Variants in OSBPL6 observed in about 807,000 individuals in gnomAD.
OSBPL6 encodes oxysterol binding protein like 6.
In OSBPL6, 49 loss-of-function variants were observed where a neutral mutation model predicts 125.8. That is an observed-to-expected ratio of 0.39 (90% CI 0.31 to 0.49). OSBPL6 has a LOEUF of 0.49. OSBPL6 is among the 20% of genes least tolerant of loss of function. OSBPL6 has a pLI of 0.88. For synonymous variants in OSBPL6, 394 were observed against 391.8 expected (o/e 1.01, Z -0.07); for missense variants, 986 against 1,135.4 (o/e 0.87, Z 1.89).
At chr2:178,349,989 C>CT (rs1384298256) in intron 12 of OSBPL6, among the ~76,000 whole-genome samples, 1 of 152,208 alleles carries the variant, frequency 6.6e-6, no homozygotes, top group Non-Finnish European at 1.5e-5. Flanking sequence ...CTTAGGGTTC[C>CT]AAGAGCCTGG....
intron 1 of OSBPL6, among the ~76,000 whole-genome samples, chr2:178,218,693 G>A (rs971321155): frequency 1.4e-5 from 2 of 146,250 alleles, no homozygotes; most frequent in South Asian, 2.2e-4. Flanking sequence ...GCAATGGCAC[G>A]ATCTCTGCCC....
In OSBPL6 at chr2:178,306,132, G is replaced by A. The variant is rs1686737363; in HGVS notation, c.-53G>A. The A allele has an allele frequency of 1.8e-6, 2 of 1,084,308 alleles. No individual in the cohort carries two copies. Among genetic ancestry groups the A allele is most frequent in the Admixed American group, 1.8e-5 (1 of 55,316 alleles). 67.2% of individuals were successfully genotyped at this position (1,084,308 alleles called of 1,614,324 possible). A position where few individuals can be genotyped will look rare whatever the true frequency, so the allele number is the denominator to read the frequency against. On this transcript the variant is annotated 5_prime_UTR_variant, in exon 3 of 25. It removes the in-frame stop codon of an upstream open reading frame in the 5' UTR. Coordinates refer to ENST00000190611, the MANE Select transcript of OSBPL6 (RefSeq NM_032523.4). ...CATCTACTTCTTTGTTTGTGGATTT[G>A]AGAGAAGATTGGGATGGTCTTAAGT...
intron 2 of OSBPL6, among the ~76,000 whole-genome samples, chr2:178,291,926 C>T (rs1216271672): frequency 1.3e-5 from 2 of 151,966 alleles, no homozygotes; most frequent in East Asian, 3.8e-4. Context: ...GACCATTCCC[C>T]CTTTTGTCTT....
intron 1 of OSBPL6, among the ~76,000 whole-genome samples, chr2:178,221,619 G>A (rs902810251): frequency 2.6e-5 from 4 of 152,200 alleles, no homozygotes; most frequent in Admixed American, 2.6e-4. Context: ...TGATTTAGCT[G>A]ATCATCAGTA....
At chr2:178,363,206 C>G (rs966507355) in intron 13 of OSBPL6, among the ~76,000 whole-genome samples, 2 of 152,058 alleles carry the variant, frequency 1.3e-5, no homozygotes, top group Non-Finnish European at 2.9e-5. Context: ...TTCTTGCTTG[C>G]CTGCTTGCTT....
At chr2:178,311,031 A>G (rs1687225926) in intron 3 of OSBPL6, among the ~76,000 whole-genome samples, 1 of 152,048 alleles carries the variant, frequency 6.6e-6, no homozygotes, top group South Asian at 2.1e-4. Context: ...TTCACAACCT[A>G]AGTCAGAGTG....
chr2:178,291,792 G>GCCAT (rs371679590), intron 2 of OSBPL6, among the ~76,000 whole-genome samples: 8,776 of 116,638 alleles, frequency 0.075, 397 homozygotes, highest in African/African-American at 0.14. Flanking sequence ...CTTCCTGCCT[G>GCCAT]CCATCCATCC....
At chr2:178,375,721 C>T (rs950356465) in intron 15 of OSBPL6, among the ~76,000 whole-genome samples, 2 of 151,292 alleles carry the variant, frequency 1.3e-5, no homozygotes, top group African/African-American at 4.9e-5. Flanking sequence ...CTGCGCCCGA[C>T]CCCTTCATCC....
intron 13 of OSBPL6, among the ~76,000 whole-genome samples, chr2:178,371,700 A>T (rs1280303017): frequency 2.6e-5 from 4 of 152,208 alleles, no homozygotes; most frequent in Non-Finnish European, 5.9e-5. Context: ...TTTTAAGATA[A>T]CTACCCAGCT....
rs1693638678 is a variant in OSBPL6 at position 178,373,936 on chromosome 2, C to T, written c.1442C>T (p.Ala481Val). Residue 481 changes from alanine to valine, a missense_variant, in exon 15 of 25, where the codon GCC (alanine) becomes GTC (valine). By Grantham distance (64) the Ala-to-Val change is moderately conservative. Around this residue, in one of 3 missense-constraint regions of OSBPL6, gnomAD observed 843 missense variants for 997.3 expected, o/e 0.85. Coordinates refer to ENST00000190611, the MANE Select transcript of OSBPL6 (RefSeq NM_032523.4). ...AGTCTCCCCTTATCACAGCAAGTAG[C>T]CAATGAGAGCCGCCTCTCCATGTCA... Reference protein sequence around the residue: ...HVSLPLSQQVANESRLSMSES... With the variant: ...HVSLPLSQQVVNESRLSMSES... 1 of 1,613,964 alleles carries T rather than the reference C, an allele frequency of 6.2e-7. No homozygotes were observed. The highest frequency in any genetic ancestry group is 1.3e-5 in the African/African-American group (1 of 74,916).
At chr2:178,367,124 G>T (rs542451910) in intron 13 of OSBPL6, among the ~76,000 whole-genome samples, 1 of 152,084 alleles carries the variant, frequency 6.6e-6, no homozygotes, top group South Asian at 2.1e-4. Flanking sequence ...TATGTGCAAA[G>T]AATAAGGGGC....
intron 13 of OSBPL6, among the ~76,000 whole-genome samples, chr2:178,364,148 G>A (rs1330333512): frequency 6.6e-6 from 1 of 152,188 alleles, no homozygotes; most frequent in African/African-American, 2.4e-5. Flanking sequence ...AGAATGGCAG[G>A]TAGTTCATAG....
intron 3 of OSBPL6, among the ~76,000 whole-genome samples, chr2:178,313,974 T>C (rs578235458): frequency 6.6e-6 from 1 of 152,348 alleles, no homozygotes; most frequent in African/African-American, 2.4e-5. Flanking sequence ...CTCATCAACA[T>C]CTATCCTTTA....
chr2:178,255,031 C>T (rs112247125), intron 1 of OSBPL6, among the ~76,000 whole-genome samples: 1 of 152,172 alleles, frequency 6.6e-6, no homozygotes, highest in South Asian at 2.1e-4. Flanking sequence ...AGTCCAGGAG[C>T]GGTGGCTCAG....
intron 1 of OSBPL6, among the ~76,000 whole-genome samples, chr2:178,242,222 C>A (rs2153991114): frequency 6.6e-6 from 1 of 152,354 alleles, no homozygotes; most frequent in Non-Finnish European, 1.5e-5. Flanking sequence ...CTTAAACACT[C>A]ACAGCTGAAC....
At chr2:178,231,909 A>C (rs1272647716) in intron 1 of OSBPL6, among the ~76,000 whole-genome samples, 3 of 152,048 alleles carry the variant, frequency 2.0e-5, no homozygotes, top group African/African-American at 7.2e-5. Context: ...CATCCTTTTT[A>C]ATCTCTGCAA....
In OSBPL6 at chr2:178,340,954, A is replaced by G. The variant is rs115508294; in HGVS notation, c.987+1190A>G. Among the ~76,000 whole-genome samples the G allele has an allele frequency of 3.6e-3, 543 of 152,236 alleles. 4 individuals are homozygous for G. Among genetic ancestry groups the G allele is most frequent in the African/African-American group, 0.013 (521 of 41,544 alleles). ...CACAACTTTTTGTGTTCCTTTGCTC[A>G]GTATGTTTCTGTGTGTTTTCCCTTC... is the stretch of plus-strand genomic sequence containing the variant. On this transcript the variant is annotated intron_variant, in intron 11 of 24. Coordinates refer to ENST00000190611, the MANE Select transcript of OSBPL6 (RefSeq NM_032523.4).
intron 18 of OSBPL6, among the ~76,000 whole-genome samples, chr2:178,384,915 G>A (rs1694800686): frequency 6.6e-6 from 1 of 151,854 alleles, no homozygotes; most frequent in African/African-American, 2.4e-5. Context: ...TCTTTTTTAG[G>A]AATAAAATGG....
chr2:178,253,935 T>G (rs1195227098), intron 1 of OSBPL6, among the ~76,000 whole-genome samples: 2 of 152,142 alleles, frequency 1.3e-5, no homozygotes, highest in Admixed American at 6.5e-5. Flanking sequence ...GCAATAGGAC[T>G]GATGGCTTTA....
Sources: gnomAD v4.1 joint callset for allele counts (sites outside exome capture counted in the v4.1 genomes callset) on GRCh38, gnomAD v4.1.1 for gene constraint, gnomAD v4.1.1 regional missense constraint, MANE v1.5 for transcripts, NCBI Gene and HGNC (gene_info 2026-07-23, HGNC 2026-07-21) for gene names.